The following DPP10 variants were observed in gnomAD, a reference collection of about 807,000 sequenced individuals.
DPP10 encodes the protein inactive dipeptidyl peptidase 10.
DPP10 carries 33 observed loss-of-function variants against 120.9 expected under a neutral mutation model. The observed-to-expected ratio is 0.27, with a 90% CI of 0.21 to 0.37. The LOEUF (loss-of-function observed/expected upper bound fraction) is 0.37. DPP10 is among the 10% of genes least tolerant of loss of function. The probability of loss-of-function intolerance (pLI) is 1.00; values close to 1 mark genes in which losing one functional copy is unlikely to be tolerated. For synonymous variants in DPP10, 337 were observed against 326.1 expected (o/e 1.03, Z -0.36); for missense variants, 816 against 942.8 (o/e 0.87, Z 1.76).
intron 3 of DPP10, among the ~76,000 whole-genome samples, chr2:115,361,684 C>T (rs1413257271): frequency 2.0e-5 from 3 of 152,108 alleles, no homozygotes; most frequent in African/African-American, 4.8e-5. Context: ...TGGTGTCCCG[C>T]AGTTCCTTTA....
At chr2:115,570,807 A>T (rs886420848) in intron 5 of DPP10, among the ~76,000 whole-genome samples, 2 of 152,244 alleles carry the variant, frequency 1.3e-5, no homozygotes, top group Non-Finnish European at 2.9e-5. Flanking sequence ...ATTTGAATGA[A>T]CAAATAATGT....
At chr2:115,813,851 G>C (rs2150032382) in intron 19 of DPP10, among the ~76,000 whole-genome samples, 1 of 152,284 alleles carries the variant, frequency 6.6e-6, no homozygotes, top group Non-Finnish European at 1.5e-5. Context: ...CTTGAAGAGT[G>C]AGTAGGCTGG....
At chr2:115,455,883 A>C (rs1013132001) in intron 3 of DPP10, among the ~76,000 whole-genome samples, 1 of 152,190 alleles carries the variant, frequency 6.6e-6, no homozygotes, top group Non-Finnish European at 1.5e-5. Flanking sequence ...AACCTAGGCA[A>C]TACCATTCAG....
At chr2:115,506,957 T>C (rs1176864666) in intron 4 of DPP10, among the ~76,000 whole-genome samples, 7 of 152,038 alleles carry the variant, frequency 4.6e-5, no homozygotes, top group Non-Finnish European at 1.0e-4. Context: ...TCCATCCAAA[T>C]GTTTTCAATT....
chr2:115,526,320 T>C (rs1460228707), intron 5 of DPP10: 1 of 168,510 alleles, frequency 5.9e-6, no homozygotes, highest in Non-Finnish European at 1.3e-5. Context: ...TGTGTACAGA[T>C]TAGAGACTTT....
At chr2:115,686,816 G>A (rs567311264) in intron 5 of DPP10, among the ~76,000 whole-genome samples, 4 of 152,000 alleles carry the variant, frequency 2.6e-5, no homozygotes, top group African/African-American at 7.2e-5. Flanking sequence ...CTAATAAGTA[G>A]TGGAACATCA....
At chr2:115,331,333 G>C (rs2062717270) in intron 2 of DPP10, among the ~76,000 whole-genome samples, 1 of 152,168 alleles carries the variant, frequency 6.6e-6, no homozygotes, top group Non-Finnish European at 1.5e-5. Context: ...CTGAGACGAT[G>C]GGGTTTTCTA....
At chr2:115,821,478 G>C (rs1231677826) in intron 21 of DPP10, among the ~76,000 whole-genome samples, 6 of 151,540 alleles carry the variant, frequency 4.0e-5, no homozygotes, top group Non-Finnish European at 2.9e-5. Flanking sequence ...GATTGATTTA[G>C]GTATGCCCTT....
At chr2:115,378,800 TTGAGATAATCA>T (rs1406241580) in intron 3 of DPP10, among the ~76,000 whole-genome samples, 1 of 152,206 alleles carries the variant, frequency 6.6e-6, no homozygotes, top group African/African-American at 2.4e-5. Context: ...TCTGCATCTA[TTGAGATAATCA>T]TGTGGTTTTT....
At chr2:114,655,775 A>AT (rs1282427516) in intron 1 of DPP10, among the ~76,000 whole-genome samples, 2 of 152,096 alleles carry the variant, frequency 1.3e-5, no homozygotes, top group African/African-American at 2.4e-5. Context: ...TAATCTAATT[A>AT]TTTTTTCCAT....
chr2:114,542,048 C>CTT lies in DPP10; in HGVS notation c.60+99210_60+99211insTT, dbSNP rs761961981. 4.4e-3 allele frequency among the ~76,000 whole-genome samples: 541 copies of CTT among 122,136 alleles called. 31 individuals are homozygous for CTT. The highest frequency in any genetic ancestry group is 5.5e-3 in the Non-Finnish European group (328 of 60,160). 80.1% of individuals were successfully genotyped at this position (122,136 alleles called of 152,430 possible). A position where few individuals can be genotyped will look rare whatever the true frequency, so the allele number is the denominator to read the frequency against. The stretch of plus-strand genomic sequence containing the variant: ...TACAGTTTTTTTTCTTTCTTTCTTT[C>CTT]CTTTTTTTTTTTTTTTTGAGATGGA... On this transcript the variant is annotated intron_variant, in intron 1 of 25. Coordinates refer to ENST00000410059, the MANE Select transcript of DPP10 (RefSeq NM_020868.6).
chr2:114,681,258 A>G (rs973403769), intron 1 of DPP10, among the ~76,000 whole-genome samples: 3 of 152,104 alleles, frequency 2.0e-5, no homozygotes, highest in African/African-American at 7.2e-5. Flanking sequence ...AGTCTAATTT[A>G]TGGATACGTT....
intron 1 of DPP10, among the ~76,000 whole-genome samples, chr2:115,058,502 C>T (rs937786702): frequency 6.6e-6 from 1 of 152,132 alleles, no homozygotes; most frequent in African/African-American, 2.4e-5. Flanking sequence ...TGGATTCAAG[C>T]GCTTCTCATG....
At chr2:115,398,655 A>G (rs1295042040) in intron 3 of DPP10, among the ~76,000 whole-genome samples, 7 of 152,068 alleles carry the variant, frequency 4.6e-5, no homozygotes, top group South Asian at 4.1e-4. Flanking sequence ...TATTATCTAC[A>G]TTGTATATAA....
chr2:115,381,100 G>C (rs2066303151), intron 3 of DPP10, among the ~76,000 whole-genome samples: 1 of 152,158 alleles, frequency 6.6e-6, no homozygotes, highest in South Asian at 2.1e-4. Flanking sequence ...ATGTTGGCCT[G>C]CCTTGCTAAA....
chr2:115,320,440 CTTTT>C (rs1300999272), intron 2 of DPP10, among the ~76,000 whole-genome samples: 4 of 151,666 alleles, frequency 2.6e-5, no homozygotes, highest in African/African-American at 9.7e-5. Flanking sequence ...ATGCTGCTTT[CTTTT>C]GTGTTTATTT....
intron 1 of DPP10, among the ~76,000 whole-genome samples, chr2:115,060,945 T>G (rs1481021068): frequency 6.6e-6 from 1 of 152,204 alleles, no homozygotes. Flanking sequence ...TACATTTCAT[T>G]GTCTCTCTGA....
intron 21 of DPP10, among the ~76,000 whole-genome samples, chr2:115,835,743 AATC>A (rs1490420105): frequency 6.6e-6 from 1 of 152,152 alleles, no homozygotes; most frequent in Non-Finnish European, 1.5e-5. Flanking sequence ...AATTCTACAT[AATC>A]ATCATTATTT....
chr2:115,597,966 A>G (rs1268787353), intron 5 of DPP10, among the ~76,000 whole-genome samples: 1 of 152,092 alleles, frequency 6.6e-6, no homozygotes, highest in African/African-American at 2.4e-5. Context: ...GTATATAAAC[A>G]TGTATGATTG....
Sources: gnomAD v4.1 joint callset for allele counts (sites outside exome capture counted in the v4.1 genomes callset) on GRCh38, gnomAD v4.1.1 for gene constraint, MANE v1.5 for transcripts, NCBI Gene and HGNC (gene_info 2026-07-23, HGNC 2026-07-21) for gene names.